Variants in ANO7 observed in about 807,000 individuals in gnomAD.
The protein encoded by ANO7 is anoctamin 7, also known as anoctamin-7.
Under a neutral mutation model 115.8 loss-of-function variants are expected in ANO7, and 114 were observed. The observed-to-expected ratio is 0.98, with a 90% CI of 0.85 to 1.15. The LOEUF is 1.15. ANO7 is among the 50% of genes most tolerant of loss of function. ANO7 has a pLI of 0.00. For synonymous variants in ANO7, 550 were observed against 498.2 expected, an observed-to-expected ratio of 1.10 and a Z score of -1.38; for missense variants, 1,302 against 1,201.2, an observed-to-expected ratio of 1.08 and a Z score of -1.24.
chr2:241,239,586 G>A, the ANO7 span: 1 of 1,608,858 alleles, frequency 6.2e-7, no homozygotes, highest in South Asian at 1.1e-5. The surrounding 1 kb of genome is among the most constrained non-coding windows in gnomAD (Gnocchi z 4.6). Flanking sequence ...CCCTCCCCGA[G>A]CACCCAAGTG....
rs1256118799 is a variant in ANO7 at position 241,203,357 on chromosome 2, G to T, written c.748G>T (p.Gly250Cys). 6.3e-7 allele frequency: 1 copy of T among 1,576,806 alleles called. No homozygotes were observed. Among genetic ancestry groups the T allele is most frequent in the Non-Finnish European group, 8.6e-7 (1 of 1,163,730 alleles). The change falls in exon 9 of 25, where the codon GGC (glycine) becomes TGC (cysteine). Residue 250 changes from glycine (G) to cysteine (C), a missense_variant. By Grantham distance (159) the Gly-to-Cys change is radical. Coordinates refer to ENST00000674324, the MANE Select transcript of ANO7 (RefSeq NM_001370694.2). This position sits in a 1 kb window ranked among gnomAD's most constrained non-coding sequence, Gnocchi z 4.8. ...HDGPFKTPPEGPQAPRLNQRQ... is the reference protein window; with the variant it reads ...HDGPFKTPPECPQAPRLNQRQ... The stretch of plus-strand genomic sequence containing the variant: ...GGGCCCCTTCAAGACGCCCCCAGAG[G>T]GCCCGCAGGCTCCACGCCTCAACCA...
intron 4 of ANO7, among the ~76,000 whole-genome samples, chr2:241,196,985 C>CA (rs2068352110): frequency 6.6e-6 from 1 of 152,176 alleles, no homozygotes; most frequent in African/African-American, 2.4e-5. Flanking sequence ...TTTCCACCAT[C>CA]GGCAGTGGCC....
downstream of ANO7, among the ~76,000 whole-genome samples, chr2:241,226,854 C>A (rs1382214951): frequency 6.6e-6 from 1 of 152,172 alleles, no homozygotes; most frequent in African/African-American, 2.4e-5. Context: ...ACTGGGGTGG[C>A]TCCTCCCACT....
chr2:241,228,542 TGCTGAGGGAGAGC>T (rs1267049819), downstream of ANO7: 2 of 152,442 alleles, frequency 1.3e-5, no homozygotes, highest in African/African-American at 4.8e-5. Context: ...GACCCACCTG[TGCTGAGGGAGAGC>T]GCCAGCCTCC....
intron 16 of ANO7, 67 bp downstream of exon 16, chr2:241,212,272 C>A: frequency 6.9e-7 from 1 of 1,448,766 alleles, no homozygotes; most frequent in South Asian, 1.1e-5. Context: ...TTTCCCGCTG[C>A]CTGGGTACCA....
rs770795225 is a variant in ANO7 at position 241,199,309 on chromosome 2, C to G, written c.310-7C>G. The G allele has an allele frequency of 3.0e-5, 48 of 1,613,076 alleles. No homozygotes were observed. Among genetic ancestry groups the G allele is most frequent in the Non-Finnish European group, 3.8e-5 (45 of 1,179,638 alleles). On this transcript the variant is annotated splice_polypyrimidine_tract_variant and splice_region_variant and intron_variant, in intron 4 of 24. Transcript: ENST00000674324. ...TCAGGCTCTCACGGAGCCCTGGGTG[C>G]CTACAGCAGGACGTCCAGGACGGGA...
the ANO7 span, chr2:241,240,170 C>CCA: frequency 6.4e-7 from 1 of 1,569,882 alleles, no homozygotes; most frequent in South Asian, 1.1e-5. This position sits in a 1 kb window ranked among gnomAD's most constrained non-coding sequence, Gnocchi z 5.5. Context: ...CGTGCCTGGA[C>CCA]CACAGTGAGG....
rs11692790 is a variant in ANO7 at position 241,218,512 on chromosome 2, G to A, written c.2321+131G>A. ...GCCGCCGGGCAAGGCCGGGGGAGGG[G>A]GGGAGCTGGGGGCGCCGTGGGCAGG... is the stretch of plus-strand genomic sequence containing the variant. On this transcript the variant is annotated intron_variant, in intron 21 of 24. Transcript: ENST00000674324. 360,750 of 431,652 alleles carry A rather than the reference G, an allele frequency of 0.84. 157,100 individuals carry two copies. Among genetic ancestry groups the A allele is most frequent in the East Asian group, 0.96 (16,124 of 16,796 alleles). The allele number at this position is 431,652 out of a possible 1,614,324, so 26.7% of individuals were successfully genotyped here.
chr2:241,191,139 T>C (rs1156730297), intron 2 of ANO7, 55 bp from the exon 3 acceptor site: 2 of 1,602,426 alleles, frequency 1.2e-6, no homozygotes, highest in Admixed American at 1.7e-5. Context: ...GTGGGTGTAG[T>C]TGTCGAGGGC....
At chr2:241,194,276 T>A (rs1434346752) in intron 3 of ANO7, among the ~76,000 whole-genome samples, 1 of 151,224 alleles carries the variant, frequency 6.6e-6, no homozygotes. Context: ...TCACTGCCTA[T>A]GTGTCATAGG....
At chr2:241,236,576 G>T in the ANO7 span, 1 of 1,607,260 alleles carries the variant, frequency 6.2e-7, no homozygotes, top group Non-Finnish European at 8.5e-7. Flanking sequence ...TGCTGACTGG[G>T]CCTTGGCGGG....
chr2:241,210,026 T>C (rs951878689), intron 13 of ANO7, among the ~76,000 whole-genome samples: 1 of 152,192 alleles, frequency 6.6e-6, no homozygotes, highest in Non-Finnish European at 1.5e-5. Flanking sequence ...ATTCCTGGGA[T>C]GGGATGGCTC....
intron 11 of ANO7, among the ~76,000 whole-genome samples, chr2:241,207,964 C>T (rs2068629850): frequency 6.6e-6 from 1 of 152,170 alleles, no homozygotes; most frequent in South Asian, 2.1e-4. Context: ...CCCTTGGCTC[C>T]AAGGCGGACA....
intron 3 of ANO7, among the ~76,000 whole-genome samples, chr2:241,193,677 C>T (rs2068255865): frequency 6.6e-6 from 1 of 152,174 alleles, no homozygotes; most frequent in Non-Finnish European, 1.5e-5. Context: ...AATTGTCTAT[C>T]CATAATCATG....
At chr2:241,218,148 GGC>G (rs1559456226) in intron 20 of ANO7, 89 bp from the exon 21 acceptor site, 1 of 240,076 alleles carries the variant, frequency 4.2e-6, no homozygotes, top group Non-Finnish European at 4.9e-6. Context: ...GCAGGGGCGG[GGC>G]GGGGGGGCAG....
the ANO7 span, chr2:241,240,129 A>G: frequency 1.9e-6 from 3 of 1,613,854 alleles, no homozygotes; most frequent in Non-Finnish European, 8.5e-7. This position sits in a 1 kb window ranked among gnomAD's most constrained non-coding sequence, Gnocchi z 5.5. Flanking sequence ...TTTGCTGCAG[A>G]AACCAATCCC....
intron 3 of ANO7, among the ~76,000 whole-genome samples, chr2:241,192,857 C>A (rs962780914): frequency 3.9e-5 from 6 of 151,916 alleles, no homozygotes; most frequent in Admixed American, 6.6e-5. Flanking sequence ...ATATGAGGTC[C>A]CCAGAGAGTC....
rs545281192 is a variant in ANO7 at position 241,209,512 on chromosome 2, C to T, written c.1236C>T (p.Pro412=). Residue 412 remains proline (P), a synonymous_variant, in exon 13 of 25, where the codon CCC becomes CCT. Coordinates refer to ENST00000674324, the MANE Select transcript of ANO7 (RefSeq NM_001370694.2). The stretch of plus-strand genomic sequence containing the variant: ...CTCCCTTCCAGGAGAGGCCTCGGCC[C>T]CAGTTTGCCGCCTCAGCCCCCATGA... ...DYEDTEERPR[P]QFAASAPMTA... is the part of the protein sequence containing the mutation. 4.4e-6 allele frequency: 7 copies of T among 1,591,452 alleles called. No individual in the cohort carries two copies. The Admixed American group carries it at 1.2e-4, about 27-fold the overall frequency.
the ANO7 span, among the ~76,000 whole-genome samples, chr2:241,239,374 CTCTTTT>C: frequency 6.6e-6 from 1 of 152,020 alleles, no homozygotes. The surrounding 1 kb of genome is among the most constrained non-coding windows in gnomAD (Gnocchi z 4.6). Flanking sequence ...CCTTCTCTCT[CTCTTTT>C]TTTTTTTAAG....
Sources: allele counts gnomAD v4.1 joint callset (sites outside exome capture counted in the v4.1 genomes callset), GRCh38; gene constraint gnomAD v4.1.1; non-coding constraint Gnocchi (gnomAD v3.1); transcripts MANE v1.5; gene names NCBI Gene and HGNC (gene_info 2026-07-23, HGNC 2026-07-21).